Variants in PAPPA2 observed in about 807,000 individuals in gnomAD.
PAPPA2 encodes the protein pappalysin 2.
A neutral mutation model predicts 176.4 loss-of-function variants in PAPPA2; 86 were observed. The ratio of observed to expected loss-of-function variants is 0.49; its 90% CI spans 0.41 to 0.58. The LOEUF is 0.58. Ranked by LOEUF, PAPPA2 falls within the 20% of genes least tolerant of loss-of-function variation. The pLI is 0.00. For missense variants in PAPPA2, 2,073 were observed against 2,256.9 expected, an observed-to-expected ratio of 0.92 and a Z score of 1.65; for synonymous variants, 809 against 852.2, an observed-to-expected ratio of 0.95 and a Z score of 0.88.
intron 2 of PAPPA2, among the ~76,000 whole-genome samples, chr1:176,584,307 A>T (rs2102633340): frequency 6.6e-6 from 1 of 152,036 alleles, no homozygotes; most frequent in African/African-American, 2.4e-5. Flanking sequence ...TGCTTTATAT[A>T]TCTGGGTGCT....
At chr1:176,781,400 T>G (rs12048132) in intron 17 of PAPPA2, among the ~76,000 whole-genome samples, 2 of 100,138 alleles carry the variant, frequency 2.0e-5, no homozygotes, top group African/African-American at 4.7e-5. Context: ...TTTTTTTTTG[T>G]CAGGGAAGAA....
At chr1:176,592,776 C>T (rs10489476) in intron 2 of PAPPA2, among the ~76,000 whole-genome samples, 56,025 of 152,034 alleles carry the variant, frequency 0.37, 10,931 homozygotes, top group South Asian at 0.58. Context: ...AGTAACTCCA[C>T]GGTCCTGATA....
At chr1:176,496,819 A>G (rs1311590807) in intron 1 of PAPPA2, among the ~76,000 whole-genome samples, 1 of 152,220 alleles carries the variant, frequency 6.6e-6, no homozygotes, top group Admixed American at 6.5e-5. Flanking sequence ...AGATGATGGT[A>G]ACTCATTCAA....
chr1:176,618,092 T>G (rs1439579847), intron 3 of PAPPA2, among the ~76,000 whole-genome samples: 2 of 152,190 alleles, frequency 1.3e-5, no homozygotes, highest in Non-Finnish European at 2.9e-5. Flanking sequence ...GAAATGTAGT[T>G]AAGTTGCATC....
chr1:176,707,079 G>T (rs1485025529), intron 10 of PAPPA2, among the ~76,000 whole-genome samples: 1 of 152,116 alleles, frequency 6.6e-6, no homozygotes, highest in Non-Finnish European at 1.5e-5. Flanking sequence ...TTCCAATTCT[G>T]ATTAAAGCTA....
At chr1:176,491,571 AG>A (rs1647294388) in intron 1 of PAPPA2, among the ~76,000 whole-genome samples, 1 of 152,244 alleles carries the variant, frequency 6.6e-6, no homozygotes, top group Non-Finnish European at 1.5e-5. Flanking sequence ...AGGTAGAACC[AG>A]ATTGTGAAAG....
At chr1:176,708,904 C>T (rs985178794) in intron 10 of PAPPA2, among the ~76,000 whole-genome samples, 10 of 152,040 alleles carry the variant, frequency 6.6e-5, no homozygotes, top group Admixed American at 5.2e-4. Context: ...TATTTTGAAT[C>T]TTAATCTTAT....
At chr1:176,641,959 G>T (rs1657120956) in intron 3 of PAPPA2, among the ~76,000 whole-genome samples, 1 of 151,878 alleles carries the variant, frequency 6.6e-6, no homozygotes, top group African/African-American at 2.4e-5. Flanking sequence ...ATTTCTCCTA[G>T]AACTGCCATT....
intron 4 of PAPPA2, among the ~76,000 whole-genome samples, chr1:176,689,536 T>G (rs1040884621): frequency 1.3e-5 from 2 of 152,180 alleles, no homozygotes; most frequent in Admixed American, 1.3e-4. Context: ...GTCATTTCCT[T>G]TAATGTGCCA....
At chr1:176,736,250 T>G (rs1662403923) in intron 12 of PAPPA2, among the ~76,000 whole-genome samples, 2 of 151,966 alleles carry the variant, frequency 1.3e-5, no homozygotes, top group African/African-American at 4.8e-5. Context: ...TGTCAAACTG[T>G]CTTCCTGATG....
intron 1 of PAPPA2, among the ~76,000 whole-genome samples, chr1:176,549,515 C>T (rs1035806167): frequency 4.6e-5 from 7 of 152,246 alleles, no homozygotes; most frequent in Admixed American, 4.6e-4. Flanking sequence ...AGTTCATTAA[C>T]TTGCCCAACG....
In PAPPA2 at chr1:176,771,021, T is replaced by G; in HGVS notation, c.4556T>G (p.Val1519Gly). The change falls in exon 17 of 23, where the codon GTC becomes GGC. Residue 1519 changes from valine to glycine, a missense_variant. This residue lies in a region of PAPPA2 where 846 missense variants were observed against 857.9 expected (regional missense o/e 0.99). Coordinates refer to ENST00000367662, the MANE Select transcript of PAPPA2 (RefSeq NM_020318.3). The stretch of plus-strand genomic sequence containing the variant: ...GATGGTCTCTGGTCTCTCCCTGAAG[T>G]CTACTGCAAGTTGGAGTGTGATGCT... ...LEDGLWSLPE[V>G]YCKLECDAPP... 1.2e-6 allele frequency: 2 copies of G among 1,614,172 alleles called. No individual in the cohort carries two copies. Among genetic ancestry groups the G allele is most frequent in the Non-Finnish European group, 1.7e-6 (2 of 1,180,018 alleles).
chr1:176,745,224 G>A (rs532708833), intron 14 of PAPPA2, among the ~76,000 whole-genome samples: 1 of 152,300 alleles, frequency 6.6e-6, no homozygotes, highest in Admixed American at 6.5e-5. Flanking sequence ...AGACAATGCA[G>A]GAGGAGGGGT....
At chr1:176,545,927 A>G (rs1650609504) in intron 1 of PAPPA2, among the ~76,000 whole-genome samples, 2 of 152,128 alleles carry the variant, frequency 1.3e-5, no homozygotes, top group African/African-American at 4.8e-5. Context: ...CCCTCATGGA[A>G]ATGTAATTTC....
At chr1:176,624,562 T>G (rs1655900953) in intron 3 of PAPPA2, among the ~76,000 whole-genome samples, 1 of 152,206 alleles carries the variant, frequency 6.6e-6, no homozygotes, top group African/African-American at 2.4e-5. Context: ...CTCTCATCTC[T>G]CATCATTCTC....
chr1:176,509,863 A>C (rs28437088), intron 1 of PAPPA2, among the ~76,000 whole-genome samples: 13,053 of 151,328 alleles, frequency 0.086, 678 homozygotes, highest in Middle Eastern at 0.16. Flanking sequence ...AACAAACAAA[A>C]AAAAACAACA....
chr1:176,652,431 G>A (rs369097455), intron 3 of PAPPA2, among the ~76,000 whole-genome samples: 1 of 151,634 alleles, frequency 6.6e-6, no homozygotes, highest in East Asian at 1.9e-4. Context: ...CTTGGTTCTA[G>A]TAAACAATCA....
At chr1:176,598,610 T>C (rs1454172034) in intron 3 of PAPPA2, among the ~76,000 whole-genome samples, 7 of 152,196 alleles carry the variant, frequency 4.6e-5, no homozygotes, top group African/African-American at 1.4e-4. Context: ...CTTGATATTC[T>C]TGATTGTTTT....
chr1:176,606,156 C>G (rs34054514), intron 3 of PAPPA2, among the ~76,000 whole-genome samples: 24,232 of 151,588 alleles, frequency 0.16, 2,062 homozygotes, highest in Middle Eastern at 0.23. Flanking sequence ...CACCATAGCT[C>G]CAAAAAGTAA....
Sources: gnomAD v4.1 joint callset for allele counts (sites outside exome capture counted in the v4.1 genomes callset) on GRCh38, gnomAD v4.1.1 for gene constraint, gnomAD v4.1.1 regional missense constraint, MANE v1.5 for transcripts, NCBI Gene and HGNC (gene_info 2026-07-23, HGNC 2026-07-21) for gene names.